Variants in CMIP observed in about 807,000 individuals in gnomAD.
The protein encoded by CMIP is C-Maf-inducing protein.
Under a neutral mutation model 97.3 loss-of-function variants are expected in CMIP, and 13 were observed. The ratio of observed to expected loss-of-function variants is 0.13; its 90% CI spans 0.09 to 0.21. CMIP has a LOEUF of 0.21. Ranked by LOEUF, CMIP falls within the 10% of genes least tolerant of loss-of-function variation. The pLI is 1.00. For missense variants in CMIP, 847 were observed against 1,024.9 expected (o/e 0.83, Z 2.37); for synonymous variants, 538 against 436.3 (o/e 1.23, Z -2.91).
At chr16:81,667,799 A>AGAGAGAGAGAGTGTGTGTGT in intron 7 of CMIP, among the ~76,000 whole-genome samples, 35 of 58,120 alleles carry the variant, frequency 6.0e-4, no homozygotes, top group Non-Finnish European at 8.6e-4. Flanking sequence ...AGAGAGAGAG[A>AGAGAGAGAGAGTGTGTGTGT]GTGTGTGTGT....
chr16:81,597,846 T>A (rs1046186060), intron 1 of CMIP, among the ~76,000 whole-genome samples: 6 of 151,986 alleles, frequency 3.9e-5, no homozygotes, highest in Admixed American at 3.3e-4. Context: ...TCTTCAGGGA[T>A]CATCTGTCTC....
chr16:81,542,532 G>A (rs1253427614), intron 1 of CMIP, among the ~76,000 whole-genome samples: 2 of 152,168 alleles, frequency 1.3e-5, no homozygotes, highest in South Asian at 2.1e-4. Context: ...TCTGAGGGTC[G>A]TATTCTCCAT....
chr16:81,600,212 G>T (rs2091634447), intron 1 of CMIP, among the ~76,000 whole-genome samples: 1 of 147,224 alleles, frequency 6.8e-6, no homozygotes, highest in Non-Finnish European at 1.5e-5. Context: ...GGAGGCGGAG[G>T]TTGCAGTGAG....
intron 1 of CMIP, among the ~76,000 whole-genome samples, chr16:81,490,017 C>T (rs1263582462): frequency 6.6e-6 from 1 of 152,090 alleles, no homozygotes; most frequent in Non-Finnish European, 1.5e-5. Context: ...CTCTTTGGGT[C>T]CCTGGGGAGT....
At chr16:81,633,162 G>A (rs1020356270) in intron 3 of CMIP, among the ~76,000 whole-genome samples, 3 of 152,222 alleles carry the variant, frequency 2.0e-5, no homozygotes, top group African/African-American at 7.2e-5. Context: ...TTAAAGACAA[G>A]TTTTTAAAAC....
At chr16:81,553,460 A>G (rs1052145062) in intron 1 of CMIP, among the ~76,000 whole-genome samples, 4 of 152,196 alleles carry the variant, frequency 2.6e-5, no homozygotes, top group Non-Finnish European at 5.9e-5. Flanking sequence ...CGGGCCAGAA[A>G]GGGTGATTGT....
chr16:81,566,446 A>G (rs545185332), intron 1 of CMIP, among the ~76,000 whole-genome samples: 1 of 152,224 alleles, frequency 6.6e-6, no homozygotes, highest in African/African-American at 2.4e-5. Context: ...CCCATGCTAC[A>G]CTGGGTGAGG....
intron 1 of CMIP, among the ~76,000 whole-genome samples, chr16:81,605,104 C>T (rs2091719938): frequency 6.6e-6 from 1 of 152,202 alleles, no homozygotes; most frequent in Non-Finnish European, 1.5e-5. Flanking sequence ...CAAGCCCTGG[C>T]TTCTCCGGCA....
Position 81,554,801 on chromosome 16 carries a change from A to G in CMIP, c.301-52766A>G, listed in dbSNP as rs372627438. 5.6e-4 allele frequency among the ~76,000 whole-genome samples: 86 copies of G among 152,348 alleles called. 1 individual carries two copies. The South Asian group carries it at 0.017, about 30-fold the overall frequency. On this transcript the variant is annotated intron_variant, in intron 1 of 20. Transcript: ENST00000537098. ...ATCTGGTAAGACTCTGTGGGACCCA[A>G]CGAAAGCATAGAGTGCTTAGCATCG...
rs1013365678 is a variant in CMIP, at chr16:81,614,276, G to A, written c.426+6584G>A. 6.6e-5 allele frequency among the ~76,000 whole-genome samples: 10 copies of A among 152,334 alleles called. No homozygotes were observed. Among genetic ancestry groups the A allele is most frequent in the African/African-American group, 2.4e-4 (10 of 41,576 alleles). On this transcript the variant is annotated intron_variant, in intron 2 of 20. Transcript: ENST00000537098. This position sits in a 1 kb window ranked among gnomAD's most constrained non-coding sequence, Gnocchi z 5.3. Reference sequence around the variant, plus strand: ...TGCTGCCACAGTCACCAGCGACCACGCATTCTAGGTGGCTGGAAGCGGCAC... The same window carrying A: ...TGCTGCCACAGTCACCAGCGACCACACATTCTAGGTGGCTGGAAGCGGCAC...
In CMIP at chr16:81,587,611, G is replaced by A. The variant is rs533651511; in HGVS notation, c.301-19956G>A. ...CAAAGGTGCTAGAGATGAAGTGGCC[G>A]CCAAAGGCCACCCAATGGGTGAGCT... On this transcript the variant is annotated intron_variant, in intron 1 of 20. Coordinates refer to ENST00000537098, the MANE Select transcript of CMIP (RefSeq NM_198390.3). Among the ~76,000 whole-genome samples the A allele has an allele frequency of 2.0e-4, 30 of 152,298 alleles. No individual in the cohort carries two copies. In the South Asian group the frequency reaches 2.9e-3, roughly 15 times the overall value.
At chr16:81,485,197 C>T (rs555235211) in intron 1 of CMIP, among the ~76,000 whole-genome samples, 166 of 152,136 alleles carry the variant, frequency 1.1e-3, no homozygotes, top group Non-Finnish European at 2.0e-3. Context: ...AAGCTACTTT[C>T]CTGTTGATGG....
At chr16:81,575,826 G>A (rs1597106383) in intron 1 of CMIP, among the ~76,000 whole-genome samples, 1 of 152,210 alleles carries the variant, frequency 6.6e-6, no homozygotes, top group African/African-American at 2.4e-5. Flanking sequence ...GTGATGGTCT[G>A]TAAGGGCAGA....
At chr16:81,539,015 C>T (rs1363384046) in intron 1 of CMIP, among the ~76,000 whole-genome samples, 1 of 152,164 alleles carries the variant, frequency 6.6e-6, no homozygotes, top group Non-Finnish European at 1.5e-5. Flanking sequence ...TATTCATGCA[C>T]ACAGAAAATT....
chr16:81,467,088 T>C (rs1907247405), intron 1 of CMIP, among the ~76,000 whole-genome samples: 1 of 152,078 alleles, frequency 6.6e-6, no homozygotes, highest in Non-Finnish European at 1.5e-5. Context: ...GCTCTAGAAG[T>C]TTTTTTTAGT....
In CMIP at chr16:81,652,184, CTT is replaced by C. The variant is rs778729662; in HGVS notation, c.478-17_478-16del. ...TTACGTGAGTAACATGTTGCTGTCT[CTT>C]TATCTCTTTCAACCAGAAAAAGATT... is the stretch of plus-strand genomic sequence containing the variant. On this transcript the variant is annotated splice_polypyrimidine_tract_variant and intron_variant, in intron 3 of 20. Coordinates refer to ENST00000537098, the MANE Select transcript of CMIP (RefSeq NM_198390.3). This position sits in a 1 kb window ranked among gnomAD's most constrained non-coding sequence, Gnocchi z 5.2. 2.7e-4 allele frequency: 435 copies of C among 1,601,024 alleles called. 1 individual carries two copies. Among genetic ancestry groups the C allele is most frequent in the Middle Eastern group, 2.3e-3 (14 of 6,034 alleles).
chr16:81,626,632 G>A (rs1408990615), intron 3 of CMIP, among the ~76,000 whole-genome samples: 1 of 144,896 alleles, frequency 6.9e-6, no homozygotes, highest in African/African-American at 2.6e-5. Context: ...GTGTGTGGGT[G>A]GCTTATGAGT....
At chr16:81,552,886 A>T (rs2090687114) in intron 1 of CMIP, among the ~76,000 whole-genome samples, 1 of 152,120 alleles carries the variant, frequency 6.6e-6, no homozygotes, top group South Asian at 2.1e-4. Flanking sequence ...AAGAGGAATG[A>T]GGGCCCTGTC....
intron 1 of CMIP, among the ~76,000 whole-genome samples, chr16:81,561,345 C>T (rs1044853598): frequency 3.9e-5 from 6 of 152,126 alleles, no homozygotes; most frequent in African/African-American, 1.4e-4. Flanking sequence ...CTTAGGGTGT[C>T]CTTTCCTGGG....
Sources: gnomAD v4.1 joint callset for allele counts (sites outside exome capture counted in the v4.1 genomes callset) on GRCh38, gnomAD v4.1.1 for gene constraint, Gnocchi (gnomAD v3.1) non-coding constraint, MANE v1.5 for transcripts, NCBI Gene and HGNC (gene_info 2026-07-23, HGNC 2026-07-21) for gene names.